Variants in SPAG16 observed in about 807,000 individuals in gnomAD.
SPAG16 encodes the protein sperm associated antigen 16.
A neutral mutation model predicts 80.4 loss-of-function variants in SPAG16; 86 were observed. The ratio of observed to expected loss-of-function variants is 1.07; its 90% CI spans 0.90 to 1.28. The LOEUF (loss-of-function observed/expected upper bound fraction) is 1.28. Among genes scored for constraint, SPAG16 ranks in the 50% most tolerant of loss-of-function variants. The pLI is 0.00. For missense variants in SPAG16, 870 were observed against 765.3 expected (o/e 1.14, Z -1.61); for synonymous variants, 294 against 265.9 (o/e 1.11, Z -1.03).
At chr2:213,321,780 G>A (rs1303745193) in intron 5 of SPAG16, among the ~76,000 whole-genome samples, 1 of 152,042 alleles carries the variant, frequency 6.6e-6, no homozygotes, top group Non-Finnish European at 1.5e-5. Flanking sequence ...GAACATTTCT[G>A]TATAGATGTT....
intron 15 of SPAG16, among the ~76,000 whole-genome samples, chr2:214,340,673 T>C (rs1342256265): frequency 6.6e-6 from 1 of 152,182 alleles, no homozygotes; most frequent in Admixed American, 6.5e-5. Flanking sequence ...ATTTACTATC[T>C]TGGAGTTTCT....
At chr2:213,505,467 G>T (rs543607026) in intron 10 of SPAG16, among the ~76,000 whole-genome samples, 4 of 152,006 alleles carry the variant, frequency 2.6e-5, no homozygotes, top group African/African-American at 9.6e-5. Context: ...TTATAATATT[G>T]GTATTGAAAA....
chr2:214,067,353 G>A (rs1199823603), intron 13 of SPAG16, among the ~76,000 whole-genome samples: 2 of 152,080 alleles, frequency 1.3e-5, no homozygotes, highest in African/African-American at 4.8e-5. Flanking sequence ...CAAACATTGT[G>A]TAGCACACAA....
chr2:214,042,234 C>T (rs1283125615), intron 13 of SPAG16, among the ~76,000 whole-genome samples: 1 of 151,576 alleles, frequency 6.6e-6, no homozygotes, highest in African/African-American at 2.4e-5. Context: ...GCTGGGATTA[C>T]AGACGTGCAT....
chr2:214,165,469 C>CTTTTTTTTTTTTTTTTTTTTTTT (rs67726428), intron 15 of SPAG16, among the ~76,000 whole-genome samples: 1 of 37,842 alleles, frequency 2.6e-5, no homozygotes, highest in African/African-American at 1.4e-4. Flanking sequence ...CATCACCATC[C>CTTTTTTTTTTTTTTTTTTTTTTT]TTTTTTTTTT....
At chr2:214,209,262 A>C (rs949244597) in intron 15 of SPAG16, among the ~76,000 whole-genome samples, 1 of 152,086 alleles carries the variant, frequency 6.6e-6, no homozygotes, top group Non-Finnish European at 1.5e-5. Context: ...AAAACTCTAG[A>C]TAGGAAGAAG....
rs535328153 is a variant in SPAG16 at position 213,438,918 on chromosome 2, C to T, written c.943-51045C>T. 6.0e-4 allele frequency among the ~76,000 whole-genome samples: 92 copies of T among 152,278 alleles called. 2 individuals carry two copies. The South Asian group carries it at 0.017, about 27-fold the overall frequency. ...CATTTATATTGTTAACTTTCTGTGGCGCCATGTGACAAGGGACTGTGGGTA... is the reference window on the plus strand; with the variant it reads ...CATTTATATTGTTAACTTTCTGTGGTGCCATGTGACAAGGGACTGTGGGTA... On this transcript the variant is annotated intron_variant, in intron 9 of 15. Transcript: ENST00000331683.
chr2:214,013,214 G>A (rs574922093), intron 12 of SPAG16, among the ~76,000 whole-genome samples: 13 of 150,294 alleles, frequency 8.6e-5, no homozygotes, highest in African/African-American at 2.7e-4. Context: ...TAATTAATCG[G>A]TGCATTAATA....
At chr2:214,208,508 G>C (rs2058207142) in intron 15 of SPAG16, among the ~76,000 whole-genome samples, 1 of 152,110 alleles carries the variant, frequency 6.6e-6, no homozygotes, top group Admixed American at 6.6e-5. Context: ...TTCAGTTGAA[G>C]ACTTTATTTT....
chr2:213,765,851 T>C (rs547600121), intron 10 of SPAG16, among the ~76,000 whole-genome samples: 108 of 152,272 alleles, frequency 7.1e-4, no homozygotes, highest in African/African-American at 2.4e-3. Flanking sequence ...GTTTAGGAGA[T>C]AGAACAAACT....
At chr2:213,531,915 A>T (rs2076083201) in intron 10 of SPAG16, among the ~76,000 whole-genome samples, 2 of 152,280 alleles carry the variant, frequency 1.3e-5, no homozygotes, top group African/African-American at 4.8e-5. Context: ...TTTGGGAGCT[A>T]TGTACATTGT....
intron 15 of SPAG16, among the ~76,000 whole-genome samples, chr2:214,165,563 T>TTTG (rs1323965351): frequency 6.9e-6 from 1 of 144,150 alleles, no homozygotes; most frequent in East Asian, 2.0e-4. Flanking sequence ...TATGTCTAGA[T>TTTG]TTGTTACCTC....
chr2:213,358,598 C>G (rs144601471), intron 7 of SPAG16, among the ~76,000 whole-genome samples: 2,729 of 152,282 alleles, frequency 0.018, 71 homozygotes, highest in African/African-American at 0.051. Context: ...CTGTGGTTTT[C>G]AGCTCCATCA....
At chr2:214,267,607 T>C (rs951463429) in intron 15 of SPAG16, among the ~76,000 whole-genome samples, 4 of 151,824 alleles carry the variant, frequency 2.6e-5, no homozygotes, top group African/African-American at 4.8e-5. Context: ...ATTTATTGGA[T>C]ATAACCTCAA....
In SPAG16 at chr2:213,740,131, TA is replaced by T. The variant is rs149650051; in HGVS notation, c.1071-122349del. On this transcript the variant is annotated intron_variant, in intron 10 of 15. Transcript: ENST00000331683. ...TTACATTACACATTACATATATACC[TA>T]AAAATGAAGTTAAATTTAATATCAT... Among the ~76,000 whole-genome samples the T allele has an allele frequency of 1.8e-3, 269 of 152,256 alleles. 1 individual carries two copies. The highest frequency in any genetic ancestry group is 6.3e-3 in the African/African-American group (260 of 41,564).
chr2:214,267,804 C>A (rs113029282), intron 15 of SPAG16, among the ~76,000 whole-genome samples: 2,590 of 151,686 alleles, frequency 0.017, 49 homozygotes, highest in African/African-American at 0.04. Context: ...AAAAAAAATC[C>A]TAGAATTTGT....
Position 213,522,044 on chromosome 2 carries a change from G to A in SPAG16, c.1070+31954G>A, listed in dbSNP as rs571002629. Among the ~76,000 whole-genome samples the A allele has an allele frequency of 4.6e-5, 7 of 152,268 alleles. No homozygotes were observed. In the East Asian group the frequency reaches 1.4e-3, roughly 29 times the overall value. ...TGGAATTAGGGAACTGCAGAGCCAA[G>A]AACATCTATATTGTTCAATATAAAG... On this transcript the variant is annotated intron_variant, in intron 10 of 15. Transcript: ENST00000331683.
At chr2:214,323,930 T>A (rs1304776805) in intron 15 of SPAG16, among the ~76,000 whole-genome samples, 1 of 152,230 alleles carries the variant, frequency 6.6e-6, no homozygotes, top group African/African-American at 2.4e-5. Flanking sequence ...CAAACTTGAA[T>A]TTTTTTGGTC....
intron 10 of SPAG16, among the ~76,000 whole-genome samples, chr2:213,573,856 A>T (rs141733944): frequency 6.6e-6 from 1 of 152,230 alleles, no homozygotes; most frequent in South Asian, 2.1e-4. Context: ...TATGAAATAC[A>T]TAAAGCTCTT....
Sources: allele counts gnomAD v4.1 joint callset (sites outside exome capture counted in the v4.1 genomes callset), GRCh38; gene constraint gnomAD v4.1.1; transcripts MANE v1.5; gene names NCBI Gene and HGNC (gene_info 2026-07-23, HGNC 2026-07-21).